PLCB1: variants seen among roughly 807,000 people sequenced by gnomAD.
PLCB1 encodes the protein 1-phosphatidylinositol 4,5-bisphosphate phosphodiesterase beta-1.
In PLCB1, 46 loss-of-function variants were observed where a neutral mutation model predicts 161.8. The observed-to-expected ratio is 0.28, with a 90% CI of 0.22 to 0.36. The LOEUF is 0.36. PLCB1 is among the 10% of genes least tolerant of loss of function. The pLI is 1.00. For synonymous variants in PLCB1, 517 were observed against 503.7 expected (o/e 1.03, Z -0.35); for missense variants, 1,016 against 1,472.5 (o/e 0.69, Z 5.07).
intron 3 of PLCB1, among the ~76,000 whole-genome samples, chr20:8,424,598 G>A (rs565178094): frequency 2.6e-5 from 4 of 152,154 alleles, no homozygotes; most frequent in African/African-American, 9.6e-5. Context: ...AGTCCTCTGT[G>A]CTGCATTCTG....
At chr20:8,373,388 G>A (rs1986966979) in intron 3 of PLCB1, among the ~76,000 whole-genome samples, 1 of 152,180 alleles carries the variant, frequency 6.6e-6, no homozygotes, top group African/African-American at 2.4e-5. Context: ...TGAAGATAAT[G>A]ATAATAATAA....
intron 3 of PLCB1, among the ~76,000 whole-genome samples, chr20:8,538,492 G>C (rs75980878): frequency 6.6e-6 from 1 of 151,998 alleles, no homozygotes; most frequent in Non-Finnish European, 1.5e-5. Flanking sequence ...TAGGACCACA[G>C]GTTATGCCAC....
At chr20:8,785,961 A>G (rs970830887) in intron 27 of PLCB1, among the ~76,000 whole-genome samples, 20 of 152,160 alleles carry the variant, frequency 1.3e-4, no homozygotes, top group African/African-American at 4.6e-4. Flanking sequence ...GGGTCCACCA[A>G]GACAACCTCC....
chr20:8,222,829 T>G (rs1203196103), intron 2 of PLCB1, among the ~76,000 whole-genome samples: 1 of 152,178 alleles, frequency 6.6e-6, no homozygotes, highest in Admixed American at 6.6e-5. Context: ...ATCAGCCTTC[T>G]CTGTGAAATA....
At chr20:8,189,252 T>A (rs941893703) in intron 2 of PLCB1, among the ~76,000 whole-genome samples, 14 of 151,328 alleles carry the variant, frequency 9.3e-5, no homozygotes, top group Non-Finnish European at 1.3e-4. Context: ...CTTTTGCCAT[T>A]GGAGAGTTGG....
chr20:8,245,399 C>T (rs1340461666), intron 2 of PLCB1, among the ~76,000 whole-genome samples: 1 of 151,878 alleles, frequency 6.6e-6, no homozygotes, highest in Non-Finnish European at 1.5e-5. Context: ...AGTATGCAAA[C>T]TTCCCTGCAT....
chr20:8,340,581 C>T (rs1005068843), intron 2 of PLCB1, among the ~76,000 whole-genome samples: 1 of 151,972 alleles, frequency 6.6e-6, no homozygotes, highest in Non-Finnish European at 1.5e-5. Context: ...CGCCACCACG[C>T]CCGGCTAATT....
At chr20:8,772,707 C>T (rs895750201) in intron 26 of PLCB1, among the ~76,000 whole-genome samples, 11 of 152,014 alleles carry the variant, frequency 7.2e-5, no homozygotes, top group South Asian at 6.2e-4. Context: ...CCGAGGTGGG[C>T]GGATCACCTG....
At chr20:8,795,143 A>G (rs6039277) in intron 31 of PLCB1, among the ~76,000 whole-genome samples, 6 of 152,342 alleles carry the variant, frequency 3.9e-5, no homozygotes, top group African/African-American at 1.2e-4. Flanking sequence ...AAATGTGGCC[A>G]GTCACACTGG....
At chr20:8,141,050 C>A (rs1211418399) in intron 1 of PLCB1, among the ~76,000 whole-genome samples, 1 of 152,122 alleles carries the variant, frequency 6.6e-6, no homozygotes, top group African/African-American at 2.4e-5. Flanking sequence ...CCCGCCTCAG[C>A]CTCCCAAAGT....
rs12624673 is a variant in PLCB1, at chr20:8,564,994, C to T, written c.247-63300C>T. On this transcript the variant is annotated intron_variant, in intron 3 of 31. Transcript: ENST00000338037. ...CAGCAATCCCATTACTGGGTATATA[C>T]GCAAAGGATTATAAATCATTCTACT... is the stretch of plus-strand genomic sequence containing the variant. 6.1e-3 allele frequency among the ~76,000 whole-genome samples: 922 copies of T among 152,230 alleles called. 8 individuals carry two copies. Among genetic ancestry groups the T allele is most frequent in the African/African-American group, 0.018 (768 of 41,528 alleles).
intron 3 of PLCB1, among the ~76,000 whole-genome samples, chr20:8,596,911 G>A (rs1197665804): frequency 1.3e-5 from 2 of 152,368 alleles, no homozygotes; most frequent in East Asian, 1.9e-4. Flanking sequence ...TTTGTCTGTT[G>A]TTGGTGTATA....
rs117616553 is a variant in PLCB1 at position 8,590,569 on chromosome 20, C to T, written c.247-37725C>T. On this transcript the variant is annotated intron_variant, in intron 3 of 31. Transcript: ENST00000338037. ...ACAGTTTTATAGGTCAGAAGTCTGA[C>T]GTAGAGGTTACTTGGCTAAGATCAA... is the stretch of plus-strand genomic sequence containing the variant. Among the ~76,000 whole-genome samples, 786 of 152,148 alleles carry T rather than the reference C, an allele frequency of 5.2e-3. 2 individuals are homozygous for T. The highest frequency in any genetic ancestry group is 0.011 in the South Asian group (51 of 4,824).
intron 2 of PLCB1, among the ~76,000 whole-genome samples, chr20:8,358,410 G>A (rs756635070): frequency 4.0e-5 from 6 of 151,862 alleles, no homozygotes; most frequent in South Asian, 2.1e-4. Flanking sequence ...CAACATGCCC[G>A]GCTAATTATT....
chr20:8,821,505 AT>A (rs1985399289), intron 31 of PLCB1, among the ~76,000 whole-genome samples: 1 of 3,208 alleles, frequency 3.1e-4, no homozygotes, highest in African/African-American at 1.9e-3. Flanking sequence ...AAATATGTAT[AT>A]ATATATATAT....
intron 2 of PLCB1, among the ~76,000 whole-genome samples, chr20:8,325,999 C>A (rs1365428601): frequency 6.6e-6 from 1 of 152,156 alleles, no homozygotes; most frequent in East Asian, 1.9e-4. Context: ...CTGTATGAAG[C>A]TACAAGTACT....
intron 31 of PLCB1, among the ~76,000 whole-genome samples, chr20:8,872,216 C>G (rs187249243): frequency 1.6e-4 from 24 of 152,242 alleles, no homozygotes; most frequent in Non-Finnish European, 2.9e-5. Context: ...TTAGGAAAAT[C>G]TACCCAAAAT....
At chr20:8,642,823 A>G (rs986542472) in intron 4 of PLCB1, among the ~76,000 whole-genome samples, 3 of 152,216 alleles carry the variant, frequency 2.0e-5, no homozygotes, top group African/African-American at 7.2e-5. Flanking sequence ...CCTCTGGTAA[A>G]CATACAAAAC....
chr20:8,637,344 C>A (rs1988793954), intron 4 of PLCB1, among the ~76,000 whole-genome samples: 1 of 152,124 alleles, frequency 6.6e-6, no homozygotes, highest in Admixed American at 6.5e-5. Flanking sequence ...CAAATATTTA[C>A]AGGCATAATC....
Sources: allele counts gnomAD v4.1 joint callset (sites outside exome capture counted in the v4.1 genomes callset), GRCh38; gene constraint gnomAD v4.1.1; transcripts MANE v1.5; gene names NCBI Gene and HGNC (gene_info 2026-07-23, HGNC 2026-07-21).